NEK5: variants seen among roughly 807,000 people sequenced by gnomAD.
NEK5 encodes NIMA related kinase 5.
Under a neutral mutation model 109.2 loss-of-function variants are expected in NEK5, and 88 were observed. That is an observed-to-expected ratio of 0.81 (90% CI 0.68 to 0.96). The LOEUF (loss-of-function observed/expected upper bound fraction) is 0.96. NEK5 is among the 40% of genes least tolerant of loss of function. The pLI, the probability that NEK5 is intolerant of heterozygous loss-of-function variation, is 0.00. For synonymous variants in NEK5, 283 were observed against 299.9 expected (o/e 0.94, Z 0.58); for missense variants, 834 against 920.7 (o/e 0.91, Z 1.22).
At chr13:52,038,757 T>A (rs1306793425) in intron 23 of NEK5, among the ~76,000 whole-genome samples, 1 of 143,588 alleles carries the variant, frequency 7.0e-6, no homozygotes, top group Admixed American at 7.4e-5. Context: ...CCCAGGAGTT[T>A]ACAGTTGTAA....
chr13:52,127,788 A>T (rs1956096138), intron 1 of NEK5, 126 bp from the exon 2 acceptor site: 1 of 282,444 alleles, frequency 3.5e-6, no homozygotes, highest in Non-Finnish European at 6.6e-6. Flanking sequence ...TCTAAAATGG[A>T]ATAACAATAC....
chr13:52,090,899 G>A (rs1482320648), intron 13 of NEK5, among the ~76,000 whole-genome samples: 10 of 152,092 alleles, frequency 6.6e-5, no homozygotes, highest in East Asian at 1.9e-4. Flanking sequence ...CGTGGCAGGC[G>A]CCTGTAGTCC....
At chr13:52,128,052 A>AC (rs891578750) in intron 1 of NEK5, among the ~76,000 whole-genome samples, 2 of 152,276 alleles carry the variant, frequency 1.3e-5, no homozygotes, top group African/African-American at 4.8e-5. Flanking sequence ...ACAGTCCCGC[A>AC]CAATAAAGGA....
chr13:52,065,151 C>G (rs1437823286), intron 21 of NEK5: 3 of 393,790 alleles, frequency 7.6e-6, no homozygotes, highest in Non-Finnish European at 1.4e-5. Flanking sequence ...AAAAATGACC[C>G]TATGAAATCG....
chr13:52,056,076 A>G (rs1954552273), intron 22 of NEK5, among the ~76,000 whole-genome samples: 1 of 152,186 alleles, frequency 6.6e-6, no homozygotes, highest in African/African-American at 2.4e-5. Flanking sequence ...AGACACACAT[A>G]CGCTCAAAAT....
At chr13:52,091,302 T>C (rs1955278849) in intron 13 of NEK5, among the ~76,000 whole-genome samples, 1 of 152,162 alleles carries the variant, frequency 6.6e-6, no homozygotes, top group African/African-American at 2.4e-5. Context: ...AAAGGGAGTT[T>C]TGTGGCTGCT....
chr13:52,037,970 C>G (rs1954378450), intron 23 of NEK5, among the ~76,000 whole-genome samples: 1 of 150,820 alleles, frequency 6.6e-6, no homozygotes, highest in Non-Finnish European at 1.5e-5. Context: ...ATTCATAGAA[C>G]CAGGAATTAA....
At chr13:52,085,416 G>C (rs746777138) in intron 16 of NEK5, among the ~76,000 whole-genome samples, 1 of 152,186 alleles carries the variant, frequency 6.6e-6, no homozygotes, top group Admixed American at 6.5e-5. Flanking sequence ...GAAAGCTCTA[G>C]TTCATGGCCT....
chr13:52,071,820 G>C (rs563524677), intron 20 of NEK5, 124 bp downstream of exon 20: 4 of 802,046 alleles, frequency 5.0e-6, no homozygotes, highest in Non-Finnish European at 8.3e-6. Flanking sequence ...TTTCTGCCTT[G>C]CTTAGAGAGG....
chr13:52,057,414 T>C (rs1176812317), intron 22 of NEK5, among the ~76,000 whole-genome samples: 3 of 151,364 alleles, frequency 2.0e-5, no homozygotes, highest in East Asian at 1.9e-4. Flanking sequence ...TTCCAATCAA[T>C]AGAAAAAGAG....
At chr13:52,047,956 C>A (rs1165843192) in intron 23 of NEK5, among the ~76,000 whole-genome samples, 3 of 152,126 alleles carry the variant, frequency 2.0e-5, no homozygotes, top group Non-Finnish European at 2.9e-5. Context: ...GTGTTCTATA[C>A]AGTAGCAGTA....
chr13:52,079,692 C>T (rs1363663880), intron 17 of NEK5, among the ~76,000 whole-genome samples: 62 of 152,394 alleles, frequency 4.1e-4, no homozygotes, highest in Non-Finnish European at 7.6e-4. Context: ...TCCCAAAGTG[C>T]CGAGATTGCA....
chr13:52,121,353 T>G (rs756555592), intron 3 of NEK5, among the ~76,000 whole-genome samples: 15 of 151,998 alleles, frequency 9.9e-5, no homozygotes, highest in Non-Finnish European at 1.8e-4. Flanking sequence ...AGAGATGGGG[T>G]CTCACCATGT....
intron 13 of NEK5, among the ~76,000 whole-genome samples, chr13:52,091,273 C>G (rs1955278274): frequency 6.6e-6 from 1 of 152,040 alleles, no homozygotes; most frequent in South Asian, 2.1e-4. Flanking sequence ...ATATATTTTC[C>G]CAGTGGTTGA....
intron 15 of NEK5, among the ~76,000 whole-genome samples, 197 bp from the exon 16 acceptor site, chr13:52,086,560 G>A (rs1955147498): frequency 1.3e-5 from 2 of 152,188 alleles, no homozygotes; most frequent in African/African-American, 2.4e-5. Context: ...TTTAGCTACA[G>A]AGCTCAATTT....
rs574237746 is a variant in NEK5 at position 52,085,140 on chromosome 13, G to A, written c.1479+1137C>T. 3.1e-3 allele frequency among the ~76,000 whole-genome samples: 471 copies of A among 152,104 alleles called. 3 individuals carry two copies. The highest frequency in any genetic ancestry group is 8.7e-3 in the African/African-American group (361 of 41,506). ...GCCAGGTGGAGATAACTGAATCATC[G>A]GGGTGGTTTCTCCCATACTATTTTA... On this transcript the variant is annotated intron_variant, in intron 16 of 23. Coordinates refer to ENST00000684899, the MANE Select transcript of NEK5 (RefSeq NM_001365552.1).
chr13:52,086,331 T>C lies in NEK5; in HGVS notation c.1425A>G (p.Gln475=), dbSNP rs1430390655. 4.3e-6 allele frequency: 7 copies of C among 1,613,024 alleles called. No individual in the cohort carries two copies. The highest frequency in any genetic ancestry group is 1.6e-4 in the Middle Eastern group (1 of 6,078). Residue 475 remains glutamine (Q), a synonymous_variant, in exon 16 of 24, where the codon CAA becomes CAG. Transcript: ENST00000684899. ...TTTCTTTCATGTCATTGTGGTACTG[T>C]TGGCGTATTTCCTCTAACTGCTTCC... ...EYWKQLEEIR[Q]QYHNDMKEIR...
At chr13:52,059,185 C>T (rs1954589305) in intron 22 of NEK5, among the ~76,000 whole-genome samples, 1 of 67,004 alleles carries the variant, frequency 1.5e-5, no homozygotes, top group African/African-American at 5.7e-5. Context: ...TTTATGCAGC[C>T]AAAAAACACA....
At chr13:52,054,219 T>G (rs922549458) in intron 22 of NEK5, among the ~76,000 whole-genome samples, 3 of 152,320 alleles carry the variant, frequency 2.0e-5, no homozygotes, top group Non-Finnish European at 2.9e-5. Context: ...GTAGAAATGA[T>G]TAATAAAGAA....
Sources: allele counts gnomAD v4.1 joint callset (sites outside exome capture counted in the v4.1 genomes callset), GRCh38; gene constraint gnomAD v4.1.1; transcripts MANE v1.5; gene names NCBI Gene and HGNC (gene_info 2026-07-23, HGNC 2026-07-21).